Variants in SLC14A2 observed in about 807,000 individuals in gnomAD.
SLC14A2 encodes solute carrier family 14 member 2, also known as urea transporter 2.
SLC14A2 carries 91 observed loss-of-function variants against 104.6 expected under a neutral mutation model. The ratio of observed to expected loss-of-function variants is 0.87; its 90% CI spans 0.73 to 1.04. SLC14A2 has a LOEUF of 1.04. Among genes scored for constraint, SLC14A2 ranks in the 50% least tolerant of loss-of-function variants. The pLI, the probability that SLC14A2 is intolerant of heterozygous loss-of-function variation, is 0.00. For synonymous variants in SLC14A2, 476 were observed against 466.4 expected (o/e 1.02, Z -0.27); for missense variants, 1,189 against 1,156.0 (o/e 1.03, Z -0.41).
intron 1 of SLC14A2, among the ~76,000 whole-genome samples, chr18:45,284,810 T>C (rs552176548): frequency 6.6e-6 from 1 of 152,040 alleles, no homozygotes; most frequent in South Asian, 2.1e-4. Context: ...AGTGCATCGA[T>C]GAACTAGAAG....
At chr18:45,402,496 A>G (rs2086107383) in intron 1 of SLC14A2, among the ~76,000 whole-genome samples, 1 of 152,140 alleles carries the variant, frequency 6.6e-6, no homozygotes, top group Non-Finnish European at 1.5e-5. Context: ...TTTCCTAATC[A>G]GGTTTATTGC....
intron 2 of SLC14A2, among the ~76,000 whole-genome samples, chr18:45,580,459 T>C (rs1174513239): frequency 6.6e-6 from 1 of 151,712 alleles, no homozygotes; most frequent in Admixed American, 6.6e-5. Context: ...GGGGAGGAGG[T>C]GGTTACTTCA....
At chr18:45,249,359 T>C (rs1370663236) in intron 1 of SLC14A2, among the ~76,000 whole-genome samples, 1 of 151,942 alleles carries the variant, frequency 6.6e-6, no homozygotes, top group Non-Finnish European at 1.5e-5. Context: ...TGCCTGTGTG[T>C]GTGCTGAACA....
chr18:45,417,187 T>G (rs1342655799), intron 1 of SLC14A2, among the ~76,000 whole-genome samples: 3 of 152,252 alleles, frequency 2.0e-5, no homozygotes, highest in African/African-American at 7.2e-5. Context: ...AAAATTCTAC[T>G]AGGGATAAAG....
chr18:45,406,055 A>G (rs973129668), intron 1 of SLC14A2, among the ~76,000 whole-genome samples: 27 of 152,234 alleles, frequency 1.8e-4, no homozygotes, highest in Non-Finnish European at 3.1e-4. Flanking sequence ...TTGCTGTATC[A>G]ATAGACTGTT....
At position 45,623,914 on chromosome 18, in the gene SLC14A2, G is replaced by C. The variant is rs548421621; in HGVS notation, c.-34-717G>C. On this transcript the variant is annotated intron_variant, in intron 1 of 19. Transcript: ENST00000255226. Reference sequence around the variant, plus strand: ...AGAAGAAATGCACAAATGGCTGTATGGGAAGGAGAGAGTACAGCACTACCA... The same window carrying C: ...AGAAGAAATGCACAAATGGCTGTATCGGAAGGAGAGAGTACAGCACTACCA... Among the ~76,000 whole-genome samples, 3 of 152,332 alleles carry C rather than the reference G, an allele frequency of 2.0e-5. No individual in the cohort carries two copies. The East Asian group carries it at 5.8e-4, about 29-fold the overall frequency.
At chr18:45,191,210 C>T in the SLC14A2 span, among the ~76,000 whole-genome samples, 77 of 152,270 alleles carry the variant, frequency 5.1e-4, 1 homozygote, top group Middle Eastern at 0.014. Flanking sequence ...AGGCTGTGCC[C>T]TGTTGAGGTC....
At chr18:45,203,810 C>T in the SLC14A2 span, among the ~76,000 whole-genome samples, 1 of 152,200 alleles carries the variant, frequency 6.6e-6, no homozygotes, top group African/African-American at 2.4e-5. Flanking sequence ...TCTAATTATT[C>T]AGCCTTGCTG....
chr18:45,399,150 A>G (rs2086068052), intron 1 of SLC14A2, among the ~76,000 whole-genome samples: 1 of 152,196 alleles, frequency 6.6e-6, no homozygotes, highest in East Asian at 1.9e-4. Flanking sequence ...GAGGTTAAGA[A>G]ACTAACGCAT....
chr18:45,302,045 G>A (rs2084973600), intron 1 of SLC14A2, among the ~76,000 whole-genome samples: 1 of 152,138 alleles, frequency 6.6e-6, no homozygotes, highest in African/African-American at 2.4e-5. Flanking sequence ...AGGCCACCTT[G>A]TTTGGTATTT....
intron 1 of SLC14A2, among the ~76,000 whole-genome samples, chr18:45,475,978 C>T (rs973803390): frequency 6.6e-6 from 1 of 152,026 alleles, no homozygotes; most frequent in African/African-American, 2.4e-5. Flanking sequence ...AGCCCATTTA[C>T]ATTTAAGGTT....
intron 1 of SLC14A2, among the ~76,000 whole-genome samples, chr18:45,247,532 C>G (rs1434512186): frequency 2.0e-5 from 3 of 152,118 alleles, no homozygotes; most frequent in African/African-American, 7.2e-5. Flanking sequence ...CTCTGATAAA[C>G]ATATATAACT....
chr18:45,296,365 A>T (rs943645797), intron 1 of SLC14A2, among the ~76,000 whole-genome samples: 1 of 152,228 alleles, frequency 6.6e-6, no homozygotes, highest in Non-Finnish European at 1.5e-5. Flanking sequence ...AGTCAGAGAC[A>T]TCAGCTTTTT....
chr18:45,468,906 G>A (rs533845694), intron 1 of SLC14A2, among the ~76,000 whole-genome samples: 10 of 152,222 alleles, frequency 6.6e-5, no homozygotes, highest in Non-Finnish European at 1.2e-4. Flanking sequence ...TCCCTGAGGT[G>A]TCAAGTGTAT....
At chr18:45,462,111 C>A (rs1183985100) in intron 1 of SLC14A2, among the ~76,000 whole-genome samples, 2 of 152,202 alleles carry the variant, frequency 1.3e-5, no homozygotes, top group African/African-American at 4.8e-5. Flanking sequence ...CAAAACCAAT[C>A]AATGTTTCTG....
intron 1 of SLC14A2, among the ~76,000 whole-genome samples, chr18:45,259,052 C>G (rs75073476): frequency 0.059 from 9,049 of 152,300 alleles, 339 homozygotes; most frequent in South Asian, 0.084. Flanking sequence ...AGCTCTGGAG[C>G]TACACTGCCT....
At chr18:45,448,939 G>A (rs997012858) in intron 1 of SLC14A2, among the ~76,000 whole-genome samples, 15 of 152,210 alleles carry the variant, frequency 9.9e-5, no homozygotes, top group African/African-American at 3.1e-4. Context: ...TCAGGAGAGA[G>A]AGTAAAATTT....
intron 1 of SLC14A2, among the ~76,000 whole-genome samples, chr18:45,422,384 AG>A (rs1328135615): frequency 1.3e-5 from 2 of 152,140 alleles, no homozygotes; most frequent in East Asian, 3.8e-4. Context: ...AGAAGAAGAG[AG>A]GCAAATTTGA....
At chr18:45,224,861 G>A (rs558180658) in intron 1 of SLC14A2, among the ~76,000 whole-genome samples, 2 of 152,206 alleles carry the variant, frequency 1.3e-5, no homozygotes, top group African/African-American at 4.8e-5. Context: ...GTTAGGGAAG[G>A]CTAATGAGGG....
Sources: gnomAD v4.1 joint callset for allele counts (sites outside exome capture counted in the v4.1 genomes callset) on GRCh38, gnomAD v4.1.1 for gene constraint, MANE v1.5 for transcripts, NCBI Gene and HGNC (gene_info 2026-07-23, HGNC 2026-07-21) for gene names.